CMYA5: variants seen among roughly 807,000 people sequenced by gnomAD.
The protein encoded by CMYA5 is cardiomyopathy associated 5, also known as cardiomyopathy-associated protein 5.
In CMYA5, 246 loss-of-function variants were observed where a neutral mutation model predicts 318.9. The ratio of observed to expected loss-of-function variants is 0.77; its 90% CI spans 0.70 to 0.86. The LOEUF (loss-of-function observed/expected upper bound fraction) is 0.86. Among genes scored for constraint, CMYA5 ranks in the 40% least tolerant of loss-of-function variants. The pLI, the probability that CMYA5 is intolerant of heterozygous loss-of-function variation, is 0.00. For synonymous variants in CMYA5, 1,641 were observed against 1,729.5 expected (o/e 0.95, Z 1.27); for missense variants, 4,589 against 4,678.2 (o/e 0.98, Z 0.56).
rs377719787 is a variant in CMYA5 at position 79,738,718 on chromosome 5, C to G, written c.9953C>G (p.Ala3318Gly). ...CATGTGGAGACCGTTGGTAACGTAG[C>G]GATGCAGAAGAAAGCTCCCATCACA... Reference protein sequence around the residue: ...VDHVETVGNVAMQKKAPITED... With the variant: ...VDHVETVGNVGMQKKAPITED... Residue 3318 changes from alanine (A) to glycine (G), a missense_variant, in exon 2 of 13, where the codon GCG becomes GGG. By Grantham distance (60) the Ala-to-Gly change is moderately conservative. This residue lies in a region of CMYA5 where 2,431 missense variants were observed against 2,495.1 expected (regional missense o/e 0.97). Coordinates refer to ENST00000446378, the MANE Select transcript of CMYA5 (RefSeq NM_153610.5). The G allele has an allele frequency of 6.2e-7, 1 of 1,613,772 alleles. No homozygotes were observed. Among genetic ancestry groups the G allele is most frequent in the Non-Finnish European group, 8.5e-7 (1 of 1,179,846 alleles).
At position 79,743,839 on chromosome 5, in the gene CMYA5, G is replaced by A. The variant is rs1828266598; in HGVS notation, c.10651G>A (p.Glu3551Lys). The A allele has an allele frequency of 6.5e-7, 1 of 1,534,956 alleles. No homozygotes were observed. The highest frequency in any genetic ancestry group is 8.8e-7 in the Non-Finnish European group (1 of 1,133,740). ...TTCTTTTCTTCAGGTTCAATTAGCA[G>A]AATTTCTAGAAAATTTACAAGAAAA... is the stretch of plus-strand genomic sequence containing the variant. ...AISAVKVQLA[E>K]FLENLQEKSL... The change falls in exon 3 of 13, where the codon GAA becomes AAA. Residue 3551 changes from glutamate to lysine, a missense_variant. Around this residue, in one of 3 missense-constraint regions of CMYA5, gnomAD observed 2,431 missense variants for 2,495.1 expected, o/e 0.97. Coordinates refer to ENST00000446378, the MANE Select transcript of CMYA5 (RefSeq NM_153610.5).
Position 79,690,014 on chromosome 5 carries a change from A to G in CMYA5, c.107A>G (p.Glu36Gly). Residue 36 changes from glutamate to glycine, a missense_variant, in exon 1 of 13, where the codon GAG becomes GGG. Glu to Gly is a moderately conservative substitution (Grantham distance 98). Coordinates refer to ENST00000446378, the MANE Select transcript of CMYA5 (RefSeq NM_153610.5). The part of the protein sequence containing the change: ...LETEEESEGE[E>G]DETAAESEEE... ...ACCGAGGAGGAGTCGGAGGGCGAGG[A>G]GGACGAGACGGCGGCGGAGTCGGAG... 3 of 1,484,444 alleles carry G rather than the reference A, an allele frequency of 2.0e-6. No homozygotes were observed. The highest frequency in any genetic ancestry group is 2.7e-6 in the Non-Finnish European group (3 of 1,110,580). The allele number at this position is 1,484,444 out of a possible 1,614,324, so 92.0% of individuals were successfully genotyped here. A position where few individuals can be genotyped will look rare whatever the true frequency, so the allele number is the denominator to read the frequency against.
At chr5:79,764,126 T>C (rs73125659) in intron 9 of CMYA5, among the ~76,000 whole-genome samples, 2,651 of 152,084 alleles carry the variant, frequency 0.017, 56 homozygotes, top group African/African-American at 0.045. Flanking sequence ...GTATTCGGTG[T>C]TTCTCCTAAT....
At chr5:79,763,496 C>T (rs569358036) in intron 9 of CMYA5, 4 of 350,232 alleles carry the variant, frequency 1.1e-5, no homozygotes, top group East Asian at 5.3e-5. Context: ...AGTCATTAGA[C>T]AGGATTTATG....
chr5:79,690,727 C>G (rs1173736715), intron 1 of CMYA5, among the ~76,000 whole-genome samples: 2 of 152,158 alleles, frequency 1.3e-5, no homozygotes, highest in Non-Finnish European at 2.9e-5. Flanking sequence ...CATCTAATGT[C>G]TATTTGGATT....
At chr5:79,750,083 G>A (rs992937478) in intron 5 of CMYA5, among the ~76,000 whole-genome samples, 6 of 151,862 alleles carry the variant, frequency 4.0e-5, no homozygotes, top group Non-Finnish European at 8.8e-5. Context: ...ATAGGAAGTG[G>A]CACTAGTGAT....
At chr5:79,744,570 T>A (rs1828280886) in intron 3 of CMYA5, among the ~76,000 whole-genome samples, 2 of 152,242 alleles carry the variant, frequency 1.3e-5, no homozygotes, top group African/African-American at 2.4e-5. Flanking sequence ...CTGGGGCCGC[T>A]CCACATGCTG....
rs750835204 is a variant in CMYA5 at position 79,729,143 on chromosome 5, T to C, written c.378T>C (p.Asp126=). Residue 126 remains aspartate, a synonymous_variant, in exon 2 of 13, where the codon GAT becomes GAC. Coordinates refer to ENST00000446378, the MANE Select transcript of CMYA5 (RefSeq NM_153610.5). The part of the protein sequence containing the change: ...SPPGNVSFIV[D]EVKKVRKRTH... ...CTGGAAATGTTTCCTTTATTGTGGATGAAGTGAAAAAGGTTCGGAAAAGGA... is the reference window on the plus strand; with the variant it reads ...CTGGAAATGTTTCCTTTATTGTGGACGAAGTGAAAAAGGTTCGGAAAAGGA... The C allele has an allele frequency of 1.9e-6, 3 of 1,612,742 alleles. No homozygotes were observed. The African/African-American group carries it at 4.0e-5, about 22-fold the overall frequency.
chr5:79,706,246 T>C (rs1827271017), intron 1 of CMYA5, among the ~76,000 whole-genome samples: 1 of 152,154 alleles, frequency 6.6e-6, no homozygotes, highest in South Asian at 2.1e-4. Context: ...GGTGAGATGG[T>C]CACATGGGGA....
intron 1 of CMYA5, among the ~76,000 whole-genome samples, chr5:79,702,311 C>G (rs1405941956): frequency 6.6e-6 from 1 of 151,618 alleles, no homozygotes; most frequent in Non-Finnish European, 1.5e-5. Flanking sequence ...TGCTTAAGCC[C>G]AGAAGTTTGA....
At chr5:79,753,187 A>G (rs1188540503) in intron 6 of CMYA5, among the ~76,000 whole-genome samples, 1 of 152,128 alleles carries the variant, frequency 6.6e-6, no homozygotes, top group Non-Finnish European at 1.5e-5. Context: ...ATTTCTCTTT[A>G]TGAGTGGTTT....
intron 1 of CMYA5, among the ~76,000 whole-genome samples, chr5:79,717,897 T>TCAGCAATGCA (rs1263994138): frequency 1.2e-3 from 54 of 46,768 alleles, no homozygotes; most frequent in African/African-American, 3.1e-3. Flanking sequence ...TTTTTTTTTT[T>TCAGCAATGCA]TTTTTTTTTG....
At chr5:79,749,503 T>A (rs1314234143) in intron 5 of CMYA5, among the ~76,000 whole-genome samples, 1 of 152,120 alleles carries the variant, frequency 6.6e-6, no homozygotes, top group Non-Finnish European at 1.5e-5. Flanking sequence ...TATTGGAAAA[T>A]TTTTTTGAGA....
In CMYA5 at chr5:79,789,111, T is replaced by C. The variant is rs1829132723; in HGVS notation, c.11689+7T>C. The stretch of plus-strand genomic sequence containing the variant: ...GCTCTCATCTCCACCAGAGGTACTT[T>C]CTCCTTTGCACACAGTGAGCTATTT... On this transcript the variant is annotated splice_region_variant and intron_variant, in intron 10 of 12. Coordinates refer to ENST00000446378, the MANE Select transcript of CMYA5 (RefSeq NM_153610.5). 6 of 1,613,706 alleles carry C rather than the reference T, an allele frequency of 3.7e-6. No individual in the cohort carries two copies. Among genetic ancestry groups the C allele is most frequent in the Non-Finnish European group, 5.1e-6 (6 of 1,179,778 alleles).
Position 79,773,614 on chromosome 5 carries a change from T to A in CMYA5, c.11555+10405T>A, listed in dbSNP as rs537448496. On this transcript the variant is annotated intron_variant, in intron 9 of 12. Coordinates refer to ENST00000446378, the MANE Select transcript of CMYA5 (RefSeq NM_153610.5). ...TACTTCCATTTGTTGTGGTTTAGTTTAACTGAGCCTGGACCATAAATGGGG... is the reference window on the plus strand; with the variant it reads ...TACTTCCATTTGTTGTGGTTTAGTTAAACTGAGCCTGGACCATAAATGGGG... Among the ~76,000 whole-genome samples, 4 of 152,356 alleles carry A rather than the reference T, an allele frequency of 2.6e-5. No individual in the cohort carries two copies. The South Asian group carries it at 6.2e-4, about 24-fold the overall frequency.
In CMYA5 at chr5:79,736,500, T is replaced by A; in HGVS notation, c.7735T>A (p.Ser2579Thr). 1 of 1,612,700 alleles carries A rather than the reference T, an allele frequency of 6.2e-7. No individual in the cohort carries two copies. The highest frequency in any genetic ancestry group is 8.5e-7 in the Non-Finnish European group (1 of 1,179,292). The change falls in exon 2 of 13, where the codon TCT becomes ACT. Residue 2579 changes from serine to threonine, a missense_variant. This residue lies in a region of CMYA5 where 2,431 missense variants were observed against 2,495.1 expected (regional missense o/e 0.97). Transcript: ENST00000446378. ...SRESDISLGHSLGETQSFSLV... is the reference protein window; with the variant it reads ...SRESDISLGHTLGETQSFSLV... ...AGAATCAGATATCTCTTTAGGTCAT[T>A]CTTTGGGTGAAACTCAATCATTTTC...
chr5:79,737,194 A>G lies in CMYA5; in HGVS notation c.8429A>G (p.Tyr2810Cys), dbSNP rs765317869. Residue 2810 changes from tyrosine to cysteine, a missense_variant, in exon 2 of 13, where the codon TAT becomes TGT. By Grantham distance (194) the Tyr-to-Cys change is radical. This residue lies in a region of CMYA5 where 2,431 missense variants were observed against 2,495.1 expected (regional missense o/e 0.97). Transcript: ENST00000446378. Reference sequence around the variant, plus strand: ...ACTAAGAGCTCAGAAACACCGCCATATTTGCTGTCACCTGTAAAACCACAA... The same window carrying G: ...ACTAAGAGCTCAGAAACACCGCCATGTTTGCTGTCACCTGTAAAACCACAA... ...DETKSSETPPYLLSPVKPQTL... is the reference protein window; with the variant it reads ...DETKSSETPPCLLSPVKPQTL... The G allele has an allele frequency of 6.2e-7, 1 of 1,613,512 alleles. No individual in the cohort carries two copies. The highest frequency in any genetic ancestry group is 1.1e-5 in the South Asian group (1 of 91,030).
Position 79,735,681 on chromosome 5 carries a change from G to C in CMYA5, c.6916G>C (p.Val2306Leu). 6.2e-7 allele frequency: 1 copy of C among 1,611,050 alleles called. No homozygotes were observed. The highest frequency in any genetic ancestry group is 1.1e-5 in the South Asian group (1 of 89,956). ...GDSEEMNINS[V>L]VTSADGENLE... ...TTCAGAGGAAATGAACATAAACTCA[G>C]TAGTTACTTCTGCTGATGGTGAGAA... Residue 2306 changes from valine (V) to leucine (L), a missense_variant, in exon 2 of 13, where the codon GTA (valine) becomes CTA (leucine). Around this residue, in one of 3 missense-constraint regions of CMYA5, gnomAD observed 2,431 missense variants for 2,495.1 expected, o/e 0.97. Transcript: ENST00000446378.
intron 12 of CMYA5, among the ~76,000 whole-genome samples, chr5:79,798,486 C>T (rs1382096863): frequency 6.6e-6 from 1 of 152,166 alleles, no homozygotes; most frequent in East Asian, 1.9e-4. Context: ...TTCTGGTCAG[C>T]AGTTTCTCCT....
Sources: gnomAD v4.1 joint callset for allele counts (sites outside exome capture counted in the v4.1 genomes callset) on GRCh38, gnomAD v4.1.1 for gene constraint, gnomAD v4.1.1 regional missense constraint, MANE v1.5 for transcripts, NCBI Gene and HGNC (gene_info 2026-07-23, HGNC 2026-07-21) for gene names.